Variants in DSCAM observed in about 807,000 individuals in gnomAD.
DSCAM encodes DS cell adhesion molecule.
A neutral mutation model predicts 217.7 loss-of-function variants in DSCAM; 47 were observed. That is an observed-to-expected ratio of 0.22 (90% CI 0.17 to 0.28). The LOEUF is 0.28. Among genes scored for constraint, DSCAM ranks in the 10% least tolerant of loss-of-function variants. The probability of loss-of-function intolerance (pLI) is 1.00; values close to 1 mark genes in which losing one functional copy is unlikely to be tolerated. For synonymous variants in DSCAM, 1,056 were observed against 1,015.3 expected (o/e 1.04, Z -0.76); for missense variants, 2,080 against 2,618.3 (o/e 0.79, Z 4.49).
intron 30 of DSCAM, among the ~76,000 whole-genome samples, 168 bp downstream of exon 30, chr21:40,051,790 A>C (rs2088935622): frequency 6.6e-6 from 1 of 152,250 alleles, no homozygotes; most frequent in South Asian, 2.1e-4. Flanking sequence ...ATAATAGCCA[A>C]GATCCATCAA....
rs530868663 is a variant in DSCAM at position 40,707,268 on chromosome 21, T to C, written c.361+1186A>G. Among the ~76,000 whole-genome samples, 14 of 152,366 alleles carry C rather than the reference T, an allele frequency of 9.2e-5. No homozygotes were observed. In the South Asian group the frequency reaches 2.5e-3, roughly 27 times the overall value. On this transcript the variant is annotated intron_variant, in intron 2 of 32. Coordinates refer to ENST00000400454, the MANE Select transcript of DSCAM (RefSeq NM_001389.5). Reference sequence around the variant, plus strand: ...AGTCTTCCCAGTAAAAGTCATTCACTGTATCTCCCTGTTTGTCAGGTTTAG... The same window carrying C: ...AGTCTTCCCAGTAAAAGTCATTCACCGTATCTCCCTGTTTGTCAGGTTTAG...
At chr21:40,662,448 C>T (rs533271181) in intron 3 of DSCAM, among the ~76,000 whole-genome samples, 111 of 152,234 alleles carry the variant, frequency 7.3e-4, no homozygotes, top group African/African-American at 2.2e-3. Context: ...CCATAAGTGA[C>T]GCAAAGTCCA....
intron 3 of DSCAM, among the ~76,000 whole-genome samples, chr21:40,536,333 T>C (rs982365535): frequency 2.0e-5 from 3 of 151,658 alleles, no homozygotes; most frequent in South Asian, 2.1e-4. Flanking sequence ...TGTGAAACCA[T>C]CTAAGATTCA....
intron 3 of DSCAM, among the ~76,000 whole-genome samples, chr21:40,630,127 G>C (rs879699563): frequency 4.6e-5 from 7 of 152,232 alleles, no homozygotes; most frequent in Non-Finnish European, 8.8e-5. Flanking sequence ...AAAGAGAAGG[G>C]CTGTATAAAC....
At chr21:40,305,193 C>T (rs1221447607) in intron 9 of DSCAM, among the ~76,000 whole-genome samples, 1 of 151,988 alleles carries the variant, frequency 6.6e-6, no homozygotes, top group East Asian at 1.9e-4. Flanking sequence ...AGTTCGAGAC[C>T]AGCCTGGCCA....
At chr21:40,151,705 G>A (rs2090424570) in intron 16 of DSCAM, among the ~76,000 whole-genome samples, 1 of 152,228 alleles carries the variant, frequency 6.6e-6, no homozygotes, top group South Asian at 2.1e-4. Flanking sequence ...TGGTTTAGCT[G>A]TTGAAGAGAG....
Position 40,108,392 on chromosome 21 carries a change from C to T in DSCAM, c.3697-14518G>A, listed in dbSNP as rs563412153. ...CTGAGAGCCAAATCAGGAATAAACT[C>T]CCATTCACAACTGCCACAAAAAGAA... On this transcript the variant is annotated intron_variant, in intron 20 of 32. Coordinates refer to ENST00000400454, the MANE Select transcript of DSCAM (RefSeq NM_001389.5). 4.6e-5 allele frequency among the ~76,000 whole-genome samples: 7 copies of T among 152,268 alleles called. No homozygotes were observed. In the East Asian group the frequency reaches 1.4e-3, roughly 29 times the overall value.
At chr21:40,707,461 G>C (rs949845907) in intron 2 of DSCAM, among the ~76,000 whole-genome samples, 1 of 152,136 alleles carries the variant, frequency 6.6e-6, no homozygotes, top group African/African-American at 2.4e-5. Context: ...CTAGCTAGCA[G>C]CATGAGTCAT....
intron 3 of DSCAM, among the ~76,000 whole-genome samples, chr21:40,539,037 G>A (rs183926843): frequency 4.9e-4 from 75 of 152,236 alleles, no homozygotes; most frequent in African/African-American, 1.5e-3. Flanking sequence ...CTTGGGACTA[G>A]GATGGAACCT....
chr21:40,119,222 C>T lies in DSCAM; in HGVS notation c.3696+4973G>A, dbSNP rs545784435. 2.6e-5 allele frequency among the ~76,000 whole-genome samples: 4 copies of T among 152,236 alleles called. No individual in the cohort carries two copies. In the South Asian group the frequency reaches 6.2e-4, roughly 24 times the overall value. ...GATTGATGTGATTCAGAACCTGGCTCAGAGCTTGGTGTAAGAGTAGTGCTC... is the reference window on the plus strand; with the variant it reads ...GATTGATGTGATTCAGAACCTGGCTTAGAGCTTGGTGTAAGAGTAGTGCTC... On this transcript the variant is annotated intron_variant, in intron 20 of 32. Coordinates refer to ENST00000400454, the MANE Select transcript of DSCAM (RefSeq NM_001389.5).
At chr21:40,702,958 AT>A (rs1185720839) in intron 2 of DSCAM, among the ~76,000 whole-genome samples, 1 of 152,160 alleles carries the variant, frequency 6.6e-6, no homozygotes, top group Non-Finnish European at 1.5e-5. Flanking sequence ...ACTTCTGCCT[AT>A]GTTACAAACT....
chr21:40,344,713 T>G (rs2074539372), intron 6 of DSCAM, among the ~76,000 whole-genome samples: 1 of 152,224 alleles, frequency 6.6e-6, no homozygotes, highest in Non-Finnish European at 1.5e-5. Flanking sequence ...TATCTTCGGT[T>G]TTCAGCAGCT....
chr21:40,094,912 C>T (rs941851181), intron 20 of DSCAM, among the ~76,000 whole-genome samples: 7 of 152,268 alleles, frequency 4.6e-5, no homozygotes, highest in East Asian at 3.9e-4. Flanking sequence ...AATATTTCCA[C>T]AAACAAATAG....
intron 3 of DSCAM, among the ~76,000 whole-genome samples, chr21:40,409,004 TA>T (rs913352067): frequency 2.0e-5 from 3 of 152,240 alleles, no homozygotes; most frequent in Non-Finnish European, 4.4e-5. Flanking sequence ...GAGAAATCAC[TA>T]AATATTTATT....
At chr21:40,035,966 A>G (rs1414184930) in intron 32 of DSCAM, among the ~76,000 whole-genome samples, 2 of 148,188 alleles carry the variant, frequency 1.3e-5, no homozygotes, top group Admixed American at 1.3e-4. Flanking sequence ...TTTGAAACCA[A>G]CGAGAACAAA....
chr21:40,183,220 G>C (rs117375757), intron 14 of DSCAM, among the ~76,000 whole-genome samples: 2,613 of 152,268 alleles, frequency 0.017, 22 homozygotes, highest in Non-Finnish European at 0.029. Flanking sequence ...ATAAAGGGAG[G>C]CAACAAACTG....
At chr21:40,344,430 A>G (rs920792647) in intron 6 of DSCAM, among the ~76,000 whole-genome samples, 4 of 152,174 alleles carry the variant, frequency 2.6e-5, no homozygotes, top group Admixed American at 6.5e-5. Context: ...ATTAATGTGC[A>G]GGGCTGCTGA....
chr21:40,050,222 T>A (rs951452978), intron 30 of DSCAM, among the ~76,000 whole-genome samples: 1 of 152,186 alleles, frequency 6.6e-6, no homozygotes, highest in East Asian at 1.9e-4. Context: ...TTCTGATGCA[T>A]GTAAAGGTGG....
At chr21:40,410,672 G>A (rs1263247567) in intron 3 of DSCAM, among the ~76,000 whole-genome samples, 1 of 150,870 alleles carries the variant, frequency 6.6e-6, no homozygotes, top group African/African-American at 2.4e-5. Flanking sequence ...AGAAAGACAA[G>A]ATTTTGCCAT....
Sources: allele counts gnomAD v4.1 joint callset (sites outside exome capture counted in the v4.1 genomes callset), GRCh38; gene constraint gnomAD v4.1.1; transcripts MANE v1.5; gene names NCBI Gene and HGNC (gene_info 2026-07-23, HGNC 2026-07-21).